CNGA1: variants seen among roughly 807,000 people sequenced by gnomAD.
CNGA1 encodes cyclic nucleotide gated channel subunit alpha 1.
A neutral mutation model predicts 69.7 loss-of-function variants in CNGA1; 53 were observed. The observed-to-expected ratio is 0.76, with a 90% CI of 0.61 to 0.96. CNGA1 has a LOEUF of 0.96. CNGA1 is among the 40% of genes least tolerant of loss of function. The pLI, the probability that CNGA1 is intolerant of heterozygous loss-of-function variation, is 0.00. For missense variants in CNGA1, 739 were observed against 811.2 expected (o/e 0.91, Z 1.08); for synonymous variants, 249 against 283.5 (o/e 0.88, Z 1.22).
intron 3 of CNGA1, among the ~76,000 whole-genome samples, chr4:47,968,042 C>A (rs1740819506): frequency 6.6e-6 from 1 of 151,908 alleles, no homozygotes; most frequent in African/African-American, 2.4e-5. Flanking sequence ...CACACATGTA[C>A]AATGCACAGA....
chr4:47,977,454 G>A (rs570162392), intron 3 of CNGA1, among the ~76,000 whole-genome samples: 10 of 152,106 alleles, frequency 6.6e-5, no homozygotes, highest in Non-Finnish European at 1.2e-4. Context: ...ACCAGCCTGC[G>A]GTATTCTGAT....
chr4:48,010,046 A>G (rs1715085133), intron 2 of CNGA1, among the ~76,000 whole-genome samples: 1 of 152,194 alleles, frequency 6.6e-6, no homozygotes, highest in Non-Finnish European at 1.5e-5. Context: ...ATATTTGATA[A>G]CCTGTTTCAC....
intron 2 of CNGA1, among the ~76,000 whole-genome samples, chr4:47,982,151 A>T (rs1741746300): frequency 1.3e-5 from 2 of 152,234 alleles, no homozygotes; most frequent in Admixed American, 1.3e-4. Flanking sequence ...GAACTCTTTT[A>T]TGCAATATAT....
chr4:47,995,908 A>C (rs958885636), intron 2 of CNGA1, among the ~76,000 whole-genome samples: 5 of 152,130 alleles, frequency 3.3e-5, no homozygotes, highest in Admixed American at 2.6e-4. Flanking sequence ...AGTGATTATT[A>C]TCTCTCTTCT....
At chr4:47,941,813 G>A (rs531355871) in intron 9 of CNGA1, among the ~76,000 whole-genome samples, 1 of 152,056 alleles carries the variant, frequency 6.6e-6, no homozygotes, top group South Asian at 2.1e-4. Context: ...AGTCTTCCCC[G>A]ACCCCTCCAT....
intron 10 of CNGA1, among the ~76,000 whole-genome samples, chr4:47,938,326 T>C (rs1738813757): frequency 6.6e-6 from 1 of 151,854 alleles, no homozygotes; most frequent in Non-Finnish European, 1.5e-5. Context: ...TATATATATA[T>C]ATATATTTGG....
intron 2 of CNGA1, among the ~76,000 whole-genome samples, chr4:48,000,752 G>A (rs1163417903): frequency 6.6e-6 from 1 of 151,202 alleles, no homozygotes; most frequent in Non-Finnish European, 1.5e-5. Context: ...GGGGGGGTGG[G>A]AAGGATAATC....
chr4:47,936,614 AC>A lies in CNGA1; in HGVS notation c.1867del (p.Val623LeufsTer8). 1 of 1,614,166 alleles carries A rather than the reference AC, an allele frequency of 6.2e-7. No homozygotes were observed. Among genetic ancestry groups the A allele is most frequent in the South Asian group, 1.1e-5 (1 of 91,080 alleles). Reference sequence around the variant, plus strand: ...GTCTACTGACCCCTCCATTCGAGTAACCTTCTCTTCAAGATCTTTAGGATCA... The same window carrying A: ...GTCTACTGACCCCTCCATTCGAGTAACTTCTCTTCAAGATCTTTAGGATCA... ...GSDPKDLEEK[V>X]TRMEGSVDLL... is the part of the protein sequence containing the mutation. On this transcript the variant is annotated frameshift_variant, in exon 11 of 11. Transcript: ENST00000514170. LOFTEE classifies it high-confidence loss of function.
At chr4:47,963,488 T>C (rs1740570146) in intron 3 of CNGA1, among the ~76,000 whole-genome samples, 1 of 152,242 alleles carries the variant, frequency 6.6e-6, no homozygotes, top group African/African-American at 2.4e-5. Flanking sequence ...GAGTAGCCTG[T>C]TCCATTGTTG....
chr4:47,976,498 A>AT (rs1404428492), intron 3 of CNGA1, among the ~76,000 whole-genome samples: 1 of 151,704 alleles, frequency 6.6e-6, no homozygotes, highest in Non-Finnish European at 1.5e-5. Context: ...AACAATAAAG[A>AT]TAAGTAACCA....
chr4:47,937,001 T>C lies in CNGA1; in HGVS notation c.1481A>G (p.Gln494Arg). 1 of 1,614,156 alleles carries C rather than the reference T, an allele frequency of 6.2e-7. No individual in the cohort carries two copies. The highest frequency in any genetic ancestry group is 8.5e-7 in the Non-Finnish European group (1 of 1,180,016). The change falls in exon 11 of 11, where the codon CAA (glutamine) becomes CGA (arginine). Residue 494 changes from glutamine to arginine, a missense_variant. Transcript: ENST00000514170. Reference protein sequence around the residue: ...LVELVLKLQPQVYSPGDYICK... With the variant: ...LVELVLKLQPRVYSPGDYICK... The stretch of plus-strand genomic sequence containing the variant: ...AATATAATCTCCAGGACTGTAGACT[T>C]GGGGTTGCAATTTCAAGACCAACTC...
At chr4:47,998,473 G>C (rs1046973845) in intron 2 of CNGA1, among the ~76,000 whole-genome samples, 1 of 152,070 alleles carries the variant, frequency 6.6e-6, no homozygotes, top group Non-Finnish European at 1.5e-5. Flanking sequence ...AAGACCTCAG[G>C]CATTAATAAT....
intron 9 of CNGA1, among the ~76,000 whole-genome samples, chr4:47,941,666 G>A (rs1054538981): frequency 6.3e-4 from 96 of 152,212 alleles, no homozygotes; most frequent in African/African-American, 2.2e-3. Flanking sequence ...AAAAAATAAC[G>A]ATTGGGTACT....
At position 47,936,336 on chromosome 4, in the gene CNGA1, C is replaced by T. The variant is rs1195052918; in HGVS notation, c.*85G>A. On this transcript the variant is annotated 3_prime_UTR_variant, in exon 11 of 11. Coordinates refer to ENST00000514170, the MANE Select transcript of CNGA1 (RefSeq NM_001379270.1). Reference sequence around the variant, plus strand: ...GGAAAAATTTCCCAACTGAGTCTTCCTCTTCTTTTAAATTTTAGTTGATGT... The same window carrying T: ...GGAAAAATTTCCCAACTGAGTCTTCTTCTTCTTTTAAATTTTAGTTGATGT... 1.3e-6 allele frequency: 2 copies of T among 1,490,382 alleles called. No individual in the cohort carries two copies. Among genetic ancestry groups the T allele is most frequent in the South Asian group, 1.1e-5 (1 of 87,408 alleles). 92.3% of individuals were successfully genotyped at this position (1,490,382 alleles called of 1,614,324 possible).
chr4:47,959,613 G>GA (rs886915034), intron 3 of CNGA1, among the ~76,000 whole-genome samples: 1 of 151,844 alleles, frequency 6.6e-6, no homozygotes, highest in African/African-American at 2.4e-5. Flanking sequence ...CAATCTAAAA[G>GA]AAAAAAAATT....
At chr4:47,961,241 A>T (rs959414137) in intron 3 of CNGA1, among the ~76,000 whole-genome samples, 1 of 152,218 alleles carries the variant, frequency 6.6e-6, no homozygotes, top group African/African-American at 2.4e-5. Flanking sequence ...AGCTGTCTTC[A>T]GCATTCAAGG....
rs1424659821 is a variant in CNGA1, at chr4:48,016,672, G to A, written c.-412C>T. 8.3e-6 allele frequency: 5 copies of A among 598,970 alleles called. No individual in the cohort carries two copies. In the Admixed American group the frequency reaches 1.4e-4, roughly 17 times the overall value. The allele number at this position is 598,970 out of a possible 1,614,324, so 37.1% of individuals were successfully genotyped here. A position where few individuals can be genotyped will look rare whatever the true frequency, so the allele number is the denominator to read the frequency against. ...CAACAAGCCCCGGGCAGCAGGGCTC[G>A]GCTGGCGCTGAGGCCCCGCCTGGCC... is the stretch of plus-strand genomic sequence containing the variant. On this transcript the variant is annotated 5_prime_UTR_variant, in exon 1 of 11. Transcript: ENST00000514170.
intron 2 of CNGA1, among the ~76,000 whole-genome samples, chr4:47,983,676 T>C (rs928160531): frequency 1.6e-4 from 25 of 152,212 alleles, no homozygotes; most frequent in African/African-American, 5.8e-4. Context: ...TGGCAGTGTC[T>C]TAAGTCTATC....
At chr4:47,958,504 C>T (rs1206571730) in intron 3 of CNGA1, among the ~76,000 whole-genome samples, 1 of 152,026 alleles carries the variant, frequency 6.6e-6, no homozygotes. Context: ...GGTGACTAAT[C>T]CCAGCTACTT....
Sources: allele counts gnomAD v4.1 joint callset (sites outside exome capture counted in the v4.1 genomes callset), GRCh38; gene constraint gnomAD v4.1.1; transcripts MANE v1.5; gene names NCBI Gene and HGNC (gene_info 2026-07-23, HGNC 2026-07-21).